ZNF560: variants seen among roughly 807,000 people sequenced by gnomAD.
The protein encoded by ZNF560 is zinc finger protein 560.
In ZNF560, 54 loss-of-function variants were observed where a neutral mutation model predicts 81.8. That is an observed-to-expected ratio of 0.66 (90% confidence interval 0.53 to 0.83). The LOEUF (loss-of-function observed/expected upper bound fraction) is 0.83, where lower values mean the gene tolerates loss of function less well. Ranked by LOEUF, ZNF560 falls within the 40% of genes least tolerant of loss-of-function variation. The pLI is 0.00. For synonymous variants in ZNF560, 321 were observed against 317.9 expected (o/e 1.01, Z -0.10); for missense variants, 940 against 932.4 (o/e 1.01, Z -0.11).
At chr19:9,474,085 G>T in intron 4 of ZNF560, 114 bp downstream of exon 4, 3 of 1,202,572 alleles carry the variant, frequency 2.5e-6, no homozygotes, top group Non-Finnish European at 2.4e-6. Flanking sequence ...ACCTATTATG[G>T]CAGGGACAAC....
chr19:9,501,951 G>T (rs116348061), upstream of ZNF560, among the ~76,000 whole-genome samples: 1,022 of 151,870 alleles, frequency 6.7e-3, 8 homozygotes, highest in African/African-American at 0.024. Flanking sequence ...TCAGGACTTT[G>T]AGACCTGCCT....
At chr19:9,462,741 G>A (rs1343069276), downstream of ZNF560, among the ~76,000 whole-genome samples, 1 of 151,890 alleles carries the variant, frequency 6.6e-6, no homozygotes, top group Non-Finnish European at 1.5e-5. Context: ...ACATTGGAAT[G>A]TCAATCAGTT....
At chr19:9,473,706 T>C (rs1210383523) in intron 4 of ZNF560, among the ~76,000 whole-genome samples, 6 of 148,832 alleles carry the variant, frequency 4.0e-5, no homozygotes. Context: ...CTCTTATTTC[T>C]GTGCACCCCA....
rs2144697346 is a variant in ZNF560, at chr19:9,475,206, C to T, written c.30+78G>A. On this transcript the variant is annotated intron_variant, in intron 3 of 9. Coordinates refer to ENST00000301480, the MANE Select transcript of ZNF560 (RefSeq NM_152476.3). ...TATTTACTTAAAGAAGCTCTGGAGACACATCTGCCTAGAAGGAAATGTGTT... is the reference window on the plus strand; with the variant it reads ...TATTTACTTAAAGAAGCTCTGGAGATACATCTGCCTAGAAGGAAATGTGTT... The T allele has an allele frequency of 8.1e-6, 12 of 1,485,248 alleles. No individual in the cohort carries two copies. The South Asian group carries it at 1.3e-4, about 16-fold the overall frequency. 92.0% of individuals were successfully genotyped at this position (1,485,248 alleles called of 1,614,324 possible). A position where few individuals can be genotyped will look rare whatever the true frequency, so the allele number is the denominator to read the frequency against.
At chr19:9,487,606 C>T (rs1024083806) in intron 2 of ZNF560, among the ~76,000 whole-genome samples, 6 of 152,162 alleles carry the variant, frequency 3.9e-5, no homozygotes, top group African/African-American at 1.4e-4. Flanking sequence ...CTCTGACAAG[C>T]ATGTAGGGAG....
intron 2 of ZNF560, among the ~76,000 whole-genome samples, chr19:9,488,994 C>G (rs2073428083): frequency 1.3e-5 from 2 of 152,250 alleles, no homozygotes; most frequent in Admixed American, 1.3e-4. Flanking sequence ...GCTTCACCTT[C>G]TGCCATGACT....
chr19:9,453,743 C>T, the ZNF560 span, among the ~76,000 whole-genome samples: 1,027 of 152,148 alleles, frequency 6.8e-3, 7 homozygotes, highest in African/African-American at 0.024. Context: ...AAATAAAATC[C>T]CATAACAATG....
At chr19:9,465,795 C>A (rs2073005467), downstream of ZNF560, among the ~76,000 whole-genome samples, 2 of 152,158 alleles carry the variant, frequency 1.3e-5, no homozygotes, top group Non-Finnish European at 2.9e-5. Flanking sequence ...GACTTCAAGA[C>A]CAGCTTGGCC....
chr19:9,465,600 T>A (rs552458666), downstream of ZNF560, among the ~76,000 whole-genome samples: 1 of 152,200 alleles, frequency 6.6e-6, no homozygotes, highest in Admixed American at 6.5e-5. Context: ...AATGAGCACT[T>A]TGACACAGTG....
chr19:9,466,646 G>T lies in ZNF560; in HGVS notation c.2301C>A (p.Pro767=), dbSNP rs1294635947. ...CTTTCCCACACTGGTCACATTCAAA[G>T]GGTTTCTCTCCCATATGAGTTCTTA... The part of the protein sequence containing the change: ...QHLRTHMGEK[P]FECDQCGKAF... Residue 767 remains proline (P), a synonymous_variant, in exon 10 of 10, where the codon CCC becomes CCA. Coordinates refer to ENST00000301480, the MANE Select transcript of ZNF560 (RefSeq NM_152476.3). The T allele has an allele frequency of 6.2e-7, 1 of 1,613,864 alleles. No individual in the cohort carries two copies. Among genetic ancestry groups the T allele is most frequent in the African/African-American group, 1.3e-5 (1 of 75,004 alleles).
At chr19:9,488,370 T>A (rs2073419030) in intron 2 of ZNF560, among the ~76,000 whole-genome samples, 1 of 152,094 alleles carries the variant, frequency 6.6e-6, no homozygotes, top group Non-Finnish European at 1.5e-5. Flanking sequence ...ATAAAGAGAC[T>A]AACACAACCT....
At chr19:9,488,064 T>A (rs2073414145) in intron 2 of ZNF560, among the ~76,000 whole-genome samples, 1 of 152,060 alleles carries the variant, frequency 6.6e-6, no homozygotes, top group African/African-American at 2.4e-5. Flanking sequence ...TGGGGGTAGA[T>A]CTCACATAAA....
chr19:9,491,342 G>A (rs996160905), intron 2 of ZNF560, among the ~76,000 whole-genome samples: 20 of 151,944 alleles, frequency 1.3e-4, no homozygotes, highest in East Asian at 3.9e-4. Flanking sequence ...GGCTGGTCTC[G>A]AACTCCTGGC....
Position 9,489,962 on chromosome 19 carries a change from C to T in ZNF560, c.-57+8166G>A, listed in dbSNP as rs1280008649. 4.6e-5 allele frequency among the ~76,000 whole-genome samples: 7 copies of T among 152,288 alleles called. 1 individual carries two copies. In the South Asian group the frequency reaches 1.2e-3, roughly 27 times the overall value. On this transcript the variant is annotated intron_variant, in intron 2 of 9. Coordinates refer to ENST00000301480, the MANE Select transcript of ZNF560 (RefSeq NM_152476.3). ...TACTTACTAGACATTTTGAATTTTA[C>T]ATATTAGCTAATGGACCATGGCATG...
In ZNF560 at chr19:9,466,842, C is replaced by T. The variant is rs983860255; in HGVS notation, c.2105G>A (p.Arg702His). The stretch of plus-strand genomic sequence containing the variant: ...TTTTATTTTGGTGAGAGTTTTTAAG[C>T]GATCATGAAAGCACATGGAATTTCG... ...SFRNSMCFHD[R>H]LKTLTKIKPY... Residue 702 changes from arginine to histidine, a missense_variant, in exon 10 of 10, where the codon CGC becomes CAC. By Grantham distance (29) the Arg-to-His change is conservative (BLOSUM62 0). Coordinates refer to ENST00000301480, the MANE Select transcript of ZNF560 (RefSeq NM_152476.3). 19 of 1,613,236 alleles carry T rather than the reference C, an allele frequency of 1.2e-5. No homozygotes were observed. The highest frequency in any genetic ancestry group is 6.7e-5 in the African/African-American group (5 of 74,638).
the ZNF560 span, among the ~76,000 whole-genome samples, chr19:9,455,019 C>T: frequency 7.2e-5 from 11 of 151,992 alleles, no homozygotes; most frequent in Non-Finnish European, 1.2e-4. Flanking sequence ...GGACACTGAG[C>T]AAAAAGTAGT....
At chr19:9,496,060 C>T (rs1160477292) in intron 2 of ZNF560, among the ~76,000 whole-genome samples, 1 of 152,066 alleles carries the variant, frequency 6.6e-6, no homozygotes, top group Non-Finnish European at 1.5e-5. Flanking sequence ...ACCTAAAGTC[C>T]AATATTAAAG....
intron 2 of ZNF560, among the ~76,000 whole-genome samples, chr19:9,480,066 T>A (rs2073262844): frequency 6.6e-6 from 1 of 152,150 alleles, no homozygotes; most frequent in South Asian, 2.1e-4. Flanking sequence ...GACAGATCAT[T>A]CAGACAGAAA....
At chr19:9,474,012 A>T (rs1180221887) in intron 4 of ZNF560, among the ~76,000 whole-genome samples, 187 bp downstream of exon 4, 1 of 152,194 alleles carries the variant, frequency 6.6e-6, no homozygotes, top group Non-Finnish European at 1.5e-5. Context: ...GTACATTTCT[A>T]AGGGAGTAAC....
Sources: allele counts gnomAD v4.1 joint callset (sites outside exome capture counted in the v4.1 genomes callset), GRCh38; gene constraint gnomAD v4.1.1; transcripts MANE v1.5; gene names NCBI Gene and HGNC (gene_info 2026-07-23, HGNC 2026-07-21).